The following TMTC2 variants were observed in gnomAD, a reference collection of about 807,000 sequenced individuals.
TMTC2 encodes the protein protein O-mannosyl-transferase TMTC2.
Under a neutral mutation model 82.4 loss-of-function variants are expected in TMTC2, and 43 were observed. The ratio of observed to expected loss-of-function variants is 0.52; its 90% confidence interval spans 0.41 to 0.67. The LOEUF (loss-of-function observed/expected upper bound fraction) is 0.67, where lower values mean the gene tolerates loss of function less well. TMTC2 is among the 30% of genes least tolerant of loss of function. TMTC2 has a pLI of 0.00. For synonymous variants in TMTC2, 408 were observed against 381.9 expected, an observed-to-expected ratio of 1.07 and a Z score of -0.80; for missense variants, 919 against 1,012.4, an observed-to-expected ratio of 0.91 and a Z score of 1.25.
chr12:82,740,632 G>T (rs148093967), intron 1 of TMTC2, among the ~76,000 whole-genome samples: 1 of 152,102 alleles, frequency 6.6e-6, no homozygotes, highest in African/African-American at 2.4e-5. Flanking sequence ...ACCACAGCTC[G>T]CCTGAAGTAT....
intron 4 of TMTC2, among the ~76,000 whole-genome samples, chr12:82,939,019 G>A (rs183514099): frequency 2.6e-5 from 4 of 152,044 alleles, no homozygotes; most frequent in East Asian, 3.9e-4. Flanking sequence ...TCGTATAATC[G>A]TCTTCATTTT....
intron 4 of TMTC2, among the ~76,000 whole-genome samples, chr12:82,953,361 A>G (rs1221954351): frequency 6.6e-6 from 1 of 152,248 alleles, no homozygotes; most frequent in African/African-American, 2.4e-5. Flanking sequence ...TAATTAATTC[A>G]AGTAGTAGCG....
intron 7 of TMTC2, among the ~76,000 whole-genome samples, chr12:82,982,559 T>C (rs1298816591): frequency 6.6e-6 from 1 of 151,848 alleles, no homozygotes; most frequent in African/African-American, 2.4e-5. Context: ...AACTAAAGTG[T>C]TACATATTTC....
chr12:82,756,534 G>A (rs1298082698), intron 1 of TMTC2, among the ~76,000 whole-genome samples: 1 of 152,164 alleles, frequency 6.6e-6, no homozygotes, highest in Non-Finnish European at 1.5e-5. Flanking sequence ...ATGGGACAAA[G>A]GAATATACAG....
At chr12:82,934,153 C>T (rs1876190799) in intron 4 of TMTC2, among the ~76,000 whole-genome samples, 1 of 152,098 alleles carries the variant, frequency 6.6e-6, no homozygotes, top group African/African-American at 2.4e-5. Flanking sequence ...TAAGGTCACA[C>T]AGAAAATAAA....
chr12:82,742,813 C>T (rs913541247), intron 1 of TMTC2, among the ~76,000 whole-genome samples: 4 of 152,148 alleles, frequency 2.6e-5, no homozygotes, highest in South Asian at 2.1e-4. Flanking sequence ...CGTGAGCCTC[C>T]GCTTCCAGCT....
Position 83,021,086 on chromosome 12 carries a change from TA to T in TMTC2, c.2071-9711del, listed in dbSNP as rs376635092. Among the ~76,000 whole-genome samples, 167 of 152,324 alleles carry T rather than the reference TA, an allele frequency of 1.1e-3. 3 individuals carry two copies. In the East Asian group the frequency reaches 0.021, roughly 19 times the overall value. On this transcript the variant is annotated intron_variant, in intron 8 of 11. Transcript: ENST00000321196. ...TTACTTTTTATAATTCTTTTTATTA[TA>T]TTTTTTAATTGAAAACATGATTAAA... is the stretch of plus-strand genomic sequence containing the variant.
At chr12:83,086,798 A>G (rs1883675659) in intron 11 of TMTC2, among the ~76,000 whole-genome samples, 1 of 152,212 alleles carries the variant, frequency 6.6e-6, no homozygotes, top group Admixed American at 6.5e-5. Flanking sequence ...TTACTAAAAA[A>G]TGCTAACGGT....
intron 1 of TMTC2, among the ~76,000 whole-genome samples, chr12:82,838,042 TA>T (rs1337310320): frequency 6.6e-6 from 1 of 152,304 alleles, no homozygotes; most frequent in East Asian, 1.9e-4. Flanking sequence ...ATAATGTATA[TA>T]AAAAATACTT....
At chr12:83,033,810 A>ATGTG (rs71977642) in intron 9 of TMTC2, among the ~76,000 whole-genome samples, 1 of 147,644 alleles carries the variant, frequency 6.8e-6, no homozygotes, top group Non-Finnish European at 1.5e-5. Context: ...ATACACATAT[A>ATGTG]TGTGTGTGTG....
At chr12:82,978,491 T>C (rs967555085) in intron 7 of TMTC2, among the ~76,000 whole-genome samples, 4 of 151,840 alleles carry the variant, frequency 2.6e-5, no homozygotes, top group Non-Finnish European at 5.9e-5. Flanking sequence ...TGTGTGTGTG[T>C]AGTTTTCAAA....
chr12:82,779,036 CAAAA>C (rs1196960733), intron 1 of TMTC2, among the ~76,000 whole-genome samples: 6 of 75,150 alleles, frequency 8.0e-5, no homozygotes, highest in South Asian at 9.7e-4. Flanking sequence ...GACTCCATAT[CAAAA>C]AAAAAAAAAA....
chr12:83,093,223 CTT>C (rs1883902076), intron 11 of TMTC2, among the ~76,000 whole-genome samples: 1 of 152,160 alleles, frequency 6.6e-6, no homozygotes. Context: ...AAAGAAAATT[CTT>C]TCACACATAA....
chr12:82,757,222 G>A (rs1037670576), intron 1 of TMTC2, among the ~76,000 whole-genome samples: 1 of 152,184 alleles, frequency 6.6e-6, no homozygotes, highest in Admixed American at 6.5e-5. Flanking sequence ...CTCCTCCAGA[G>A]ATCTTTGAGA....
At chr12:83,009,831 C>T (rs112121613) in intron 8 of TMTC2, among the ~76,000 whole-genome samples, 30 of 152,098 alleles carry the variant, frequency 2.0e-4, no homozygotes, top group African/African-American at 2.7e-4. Flanking sequence ...TTGGGAGGGA[C>T]GATTTTGGGA....
At chr12:83,005,194 A>G (rs369143756) in intron 8 of TMTC2, among the ~76,000 whole-genome samples, 7 of 99,718 alleles carry the variant, frequency 7.0e-5, no homozygotes, top group African/African-American at 2.8e-4. Context: ...ATAGAGCTAG[A>G]CTTTGTCTTA....
At chr12:82,999,553 G>A in intron 8 of TMTC2, among the ~76,000 whole-genome samples, 1 of 152,272 alleles carries the variant, frequency 6.6e-6, no homozygotes, top group East Asian at 1.9e-4. Context: ...CACATGGCTG[G>A]GGAGGCCACA....
chr12:82,911,056 A>G (rs1874621221), intron 3 of TMTC2, among the ~76,000 whole-genome samples: 1 of 151,236 alleles, frequency 6.6e-6, no homozygotes, highest in Non-Finnish European at 1.5e-5. Flanking sequence ...AATTTTTTGT[A>G]TTTTTAGTAG....
intron 3 of TMTC2, among the ~76,000 whole-genome samples, chr12:82,910,974 G>A (rs113315382): frequency 0.052 from 7,897 of 151,464 alleles, 306 homozygotes; most frequent in Non-Finnish European, 0.076. Context: ...TCCACCACCC[G>A]GTTTCACGCC....
Sources: gnomAD v4.1 joint callset for allele counts (sites outside exome capture counted in the v4.1 genomes callset) on GRCh38, gnomAD v4.1.1 for gene constraint, MANE v1.5 for transcripts, NCBI Gene and HGNC (gene_info 2026-07-23, HGNC 2026-07-21) for gene names.